PAG1: variants seen among roughly 807,000 people sequenced by gnomAD.
The protein encoded by PAG1 is phosphoprotein associated with glycosphingolipid-enriched microdomains 1.
Under a neutral mutation model 31.7 loss-of-function variants are expected in PAG1, and 23 were observed. The observed-to-expected ratio is 0.73, with a 90% CI of 0.52 to 1.03. The LOEUF (loss-of-function observed/expected upper bound fraction) is 1.03, where lower values mean the gene tolerates loss of function less well. Ranked by LOEUF, PAG1 falls within the 50% of genes least tolerant of loss-of-function variation. PAG1 has a pLI of 0.00. For missense variants in PAG1, 473 were observed against 540.7 expected (o/e 0.87, Z 1.24); for synonymous variants, 214 against 210.3 (o/e 1.02, Z -0.15).
chr8:81,084,687 A>T (rs1809322967), intron 1 of PAG1, among the ~76,000 whole-genome samples: 1 of 152,198 alleles, frequency 6.6e-6, no homozygotes, highest in Non-Finnish European at 1.5e-5. Context: ...CACAGGTCTT[A>T]CGTAAGATTA....
At chr8:81,019,066 A>G (rs1808118635) in intron 3 of PAG1, among the ~76,000 whole-genome samples, 1 of 152,220 alleles carries the variant, frequency 6.6e-6, no homozygotes, top group South Asian at 2.1e-4. Flanking sequence ...ACTGGAGTAA[A>G]GATCACTCTT....
At chr8:81,088,122 T>C (rs995342176) in intron 1 of PAG1, among the ~76,000 whole-genome samples, 1 of 152,206 alleles carries the variant, frequency 6.6e-6, no homozygotes, top group African/African-American at 2.4e-5. Context: ...GCTTCTTTAA[T>C]TATGTATTAT....
At chr8:81,109,504 C>T (rs1333437604) in intron 1 of PAG1, among the ~76,000 whole-genome samples, 1 of 152,110 alleles carries the variant, frequency 6.6e-6, no homozygotes, top group Non-Finnish European at 1.5e-5. Context: ...TGTTAAATAC[C>T]AGTTGGTGTC....
chr8:80,969,738 CCATT>C lies in PAG1; in HGVS notation c.*6802_*6805del, dbSNP rs1473488529. The stretch of plus-strand genomic sequence containing the variant: ...GAAAAAAAGTTACACTCTAAAATGT[CCATT>C]CAAAGAATTAACTGTGATGACTTAC... On this transcript the variant is annotated 3_prime_UTR_variant, in exon 9 of 9. Coordinates refer to ENST00000220597, the MANE Select transcript of PAG1 (RefSeq NM_018440.4). The C allele has an allele frequency of 6.6e-6, 1 of 152,186 alleles. No individual in the cohort carries two copies. The highest frequency in any genetic ancestry group is 1.5e-5 in the Non-Finnish European group (1 of 68,030). The allele number at this position is 152,186 out of a possible 1,614,324, so 9.4% of individuals were successfully genotyped here. A position where few individuals can be genotyped will look rare whatever the true frequency, so the allele number is the denominator to read the frequency against.
At chr8:80,991,103 C>T (rs1315128092) in intron 5 of PAG1, among the ~76,000 whole-genome samples, 2 of 152,132 alleles carry the variant, frequency 1.3e-5, no homozygotes, top group Non-Finnish European at 2.9e-5. Flanking sequence ...CCACCAGAAG[C>T]CCCAGGAGAG....
intron 1 of PAG1, among the ~76,000 whole-genome samples, chr8:81,074,404 A>G (rs927916624): frequency 2.4e-4 from 36 of 152,190 alleles, no homozygotes; most frequent in South Asian, 6.2e-4. Context: ...TCTAAGCTAG[A>G]TAACTAGGAA....
chr8:81,068,057 C>T (rs564562864), intron 2 of PAG1, among the ~76,000 whole-genome samples: 4 of 152,080 alleles, frequency 2.6e-5, no homozygotes, highest in African/African-American at 4.8e-5. Context: ...ACACCATGTC[C>T]GGCTAATTTT....
intron 1 of PAG1, among the ~76,000 whole-genome samples, chr8:81,098,989 T>TTTCC (rs34437814): frequency 1.1e-4 from 4 of 38,046 alleles, no homozygotes; most frequent in Non-Finnish European, 2.0e-4. Context: ...GAAAACAGAG[T>TTTCC]TTGTTATTTT....
intron 8 of PAG1, among the ~76,000 whole-genome samples, chr8:80,979,080 T>A (rs898942970): frequency 6.6e-6 from 1 of 152,258 alleles, no homozygotes; most frequent in East Asian, 1.9e-4. Flanking sequence ...AACTTTCATA[T>A]TTATTTTTCC....
intron 8 of PAG1, among the ~76,000 whole-genome samples, chr8:80,977,810 T>C (rs1031903405): frequency 2.6e-5 from 4 of 152,234 alleles, no homozygotes; most frequent in Admixed American, 6.5e-5. Flanking sequence ...AGATTAAATA[T>C]ACTAATTAGG....
At chr8:81,086,512 CGTGTGT>C (rs146900369) in intron 1 of PAG1, among the ~76,000 whole-genome samples, 1 of 149,920 alleles carries the variant, frequency 6.7e-6, no homozygotes, top group African/African-American at 2.4e-5. Flanking sequence ...TGTGCGCGCG[CGTGTGT>C]GTGTGTGTGC....
intron 1 of PAG1, among the ~76,000 whole-genome samples, chr8:81,097,361 C>T (rs1809544403): frequency 6.6e-6 from 1 of 152,150 alleles, no homozygotes. Context: ...AGGTTGTCAG[C>T]TTCTTAACAA....
chr8:81,103,131 T>C (rs1367847475), intron 1 of PAG1, among the ~76,000 whole-genome samples: 1 of 145,640 alleles, frequency 6.9e-6, no homozygotes, highest in African/African-American at 2.6e-5. Flanking sequence ...AGATAATGAA[T>C]GCAAAACATG....
intron 4 of PAG1, among the ~76,000 whole-genome samples, chr8:80,992,161 G>A (rs1194613112): frequency 6.6e-6 from 1 of 152,138 alleles, no homozygotes; most frequent in Non-Finnish European, 1.5e-5. Context: ...AGGCCGTCCA[G>A]GCCCCGGGAA....
At chr8:81,031,480 C>T (rs1350232346) in intron 2 of PAG1, among the ~76,000 whole-genome samples, 3 of 152,192 alleles carry the variant, frequency 2.0e-5, no homozygotes, top group African/African-American at 7.2e-5. Flanking sequence ...ATGTGGATTC[C>T]AACCATAAAC....
intron 1 of PAG1, among the ~76,000 whole-genome samples, chr8:81,103,180 C>G (rs1244333878): frequency 6.6e-6 from 1 of 150,482 alleles, no homozygotes; most frequent in Non-Finnish European, 1.5e-5. Flanking sequence ...AGCAGATTTT[C>G]CCCCAATCTA....
chr8:81,004,208 A>T (rs1427529840), intron 3 of PAG1, among the ~76,000 whole-genome samples: 1 of 152,230 alleles, frequency 6.6e-6, no homozygotes, highest in Admixed American at 6.5e-5. Context: ...AGGCTGATTA[A>T]AGGCATATAC....
intron 3 of PAG1, among the ~76,000 whole-genome samples, chr8:81,019,805 G>T (rs1808131430): frequency 6.6e-6 from 1 of 152,150 alleles, no homozygotes; most frequent in Non-Finnish European, 1.5e-5. Flanking sequence ...TGAGAAGAGG[G>T]CCACTGTCCT....
chr8:81,073,642 T>G (rs1809129143), intron 1 of PAG1, among the ~76,000 whole-genome samples: 1 of 152,178 alleles, frequency 6.6e-6, no homozygotes, highest in Non-Finnish European at 1.5e-5. Flanking sequence ...TCCAAATACT[T>G]TCTTTAAGGA....
Sources: gnomAD v4.1 joint callset for allele counts (sites outside exome capture counted in the v4.1 genomes callset) on GRCh38, gnomAD v4.1.1 for gene constraint, MANE v1.5 for transcripts, NCBI Gene and HGNC (gene_info 2026-07-23, HGNC 2026-07-21) for gene names.